CAMK2D: variants seen among roughly 807,000 people sequenced by gnomAD.
CAMK2D encodes calcium/calmodulin-dependent protein kinase type II subunit delta.
Under a neutral mutation model 84.0 loss-of-function variants are expected in CAMK2D, and 37 were observed. The observed-to-expected ratio is 0.44, with a 90% CI of 0.34 to 0.58. The LOEUF (loss-of-function observed/expected upper bound fraction) is 0.58, where lower values mean the gene tolerates loss of function less well. Ranked by LOEUF, CAMK2D falls within the 20% of genes least tolerant of loss-of-function variation. CAMK2D has a pLI of 0.02. For missense variants in CAMK2D, 448 were observed against 652.5 expected, an observed-to-expected ratio of 0.69 and a Z score of 3.41; for synonymous variants, 202 against 212.5, an observed-to-expected ratio of 0.95 and a Z score of 0.43.
intron 4 of CAMK2D, among the ~76,000 whole-genome samples, chr4:113,554,883 G>A (rs770408395): frequency 1.4e-4 from 21 of 151,834 alleles, no homozygotes; most frequent in Non-Finnish European, 2.8e-4. Flanking sequence ...ACTATGATAT[G>A]AAGGATATCA....
chr4:113,476,016 C>T (rs2097608929), intron 16 of CAMK2D, among the ~76,000 whole-genome samples: 1 of 152,038 alleles, frequency 6.6e-6, no homozygotes, highest in Non-Finnish European at 1.5e-5. Context: ...AAGTGGGGAA[C>T]TAGTGGAAAA....
chr4:113,758,867 A>T (rs2099634532), intron 2 of CAMK2D, among the ~76,000 whole-genome samples: 1 of 152,206 alleles, frequency 6.6e-6, no homozygotes. Flanking sequence ...ATTACTGTTA[A>T]ATATACCTTG....
chr4:113,509,006 A>T lies in CAMK2D; in HGVS notation c.984+632T>A, dbSNP rs534320092. On this transcript the variant is annotated intron_variant, in intron 13 of 20. Transcript: ENST00000511664. ...ACAAGAGTAAATCCCCTTGAAACAA[A>T]ATACAATCAGTAGGAAAGAAACTGT... Among the ~76,000 whole-genome samples, 786 of 152,250 alleles carry T rather than the reference A, an allele frequency of 5.2e-3. 6 individuals carry two copies. The highest frequency in any genetic ancestry group is 0.018 in the African/African-American group (733 of 41,558).
At chr4:113,731,699 C>G (rs184531616) in intron 2 of CAMK2D, among the ~76,000 whole-genome samples, 1 of 151,726 alleles carries the variant, frequency 6.6e-6, no homozygotes, top group African/African-American at 2.4e-5. Context: ...GATTCCCCTG[C>G]CTCAGCCTCC....
intron 2 of CAMK2D, among the ~76,000 whole-genome samples, chr4:113,719,747 T>G (rs914127623): frequency 2.6e-5 from 4 of 152,132 alleles, no homozygotes; most frequent in Non-Finnish European, 5.9e-5. Context: ...AACCCTAAGT[T>G]TAGTCACATT....
intron 2 of CAMK2D, among the ~76,000 whole-genome samples, chr4:113,723,770 T>C (rs2148663589): frequency 6.6e-6 from 1 of 152,274 alleles, no homozygotes; most frequent in East Asian, 1.9e-4. Context: ...TTACTCACCA[T>C]AAAAGACATA....
chr4:113,467,405 A>C (rs1372754220), intron 16 of CAMK2D, among the ~76,000 whole-genome samples: 1 of 152,196 alleles, frequency 6.6e-6, no homozygotes, highest in Admixed American at 6.5e-5. Context: ...AATTTTCTAT[A>C]AACCACATTT....
At chr4:113,755,066 G>C in intron 2 of CAMK2D, 1 of 984,676 alleles carries the variant, frequency 1.0e-6, no homozygotes, top group African/African-American at 1.7e-5. Context: ...ATGAAGTTGA[G>C]AAATTACAGT....
chr4:113,664,327 C>T (rs2099249152), intron 2 of CAMK2D, among the ~76,000 whole-genome samples: 2 of 152,254 alleles, frequency 1.3e-5, no homozygotes, highest in South Asian at 4.1e-4. Flanking sequence ...TATGTATAAT[C>T]TCACAGTTTC....
intron 2 of CAMK2D, among the ~76,000 whole-genome samples, chr4:113,705,585 A>T (rs1019727494): frequency 6.6e-6 from 1 of 152,188 alleles, no homozygotes; most frequent in African/African-American, 2.4e-5. Flanking sequence ...CGCTAGGTAT[A>T]TGAGAACATT....
intron 2 of CAMK2D, among the ~76,000 whole-genome samples, chr4:113,701,985 G>A (rs747969455): frequency 8.5e-5 from 13 of 152,154 alleles, no homozygotes; most frequent in Non-Finnish European, 1.9e-4. Flanking sequence ...ATAGATGTGA[G>A]CCACCATGCC....
chr4:113,500,703 A>G (rs929519980), intron 15 of CAMK2D, among the ~76,000 whole-genome samples, 192 bp from the exon 16 acceptor site: 1 of 152,108 alleles, frequency 6.6e-6, no homozygotes, highest in African/African-American at 2.4e-5. Context: ...AAACATTTCA[A>G]ACGGAGTACT....
chr4:113,482,179 GGT>G (rs1190188250), intron 16 of CAMK2D, among the ~76,000 whole-genome samples: 2 of 152,144 alleles, frequency 1.3e-5, no homozygotes, highest in African/African-American at 4.8e-5. Flanking sequence ...AGCAGAAGCA[GGT>G]CAATGGCTAA....
At chr4:113,472,981 G>A (rs1238414976) in intron 16 of CAMK2D, among the ~76,000 whole-genome samples, 1 of 152,168 alleles carries the variant, frequency 6.6e-6, no homozygotes, top group Non-Finnish European at 1.5e-5. Flanking sequence ...CAAATTCAGA[G>A]GCTGTGCCAG....
chr4:113,578,283 T>C (rs2098793210), intron 4 of CAMK2D, among the ~76,000 whole-genome samples: 1 of 152,158 alleles, frequency 6.6e-6, no homozygotes, highest in South Asian at 2.1e-4. Context: ...CTAATTCTTG[T>C]TGGCCAGAAG....
intron 5 of CAMK2D, 23 bp downstream of exon 5, chr4:113,552,008 C>A: frequency 7.7e-7 from 1 of 1,294,360 alleles, no homozygotes; most frequent in Admixed American, 1.9e-5. Flanking sequence ...AGTCTTGTAT[C>A]TTGCCCAGGG....
intron 16 of CAMK2D, among the ~76,000 whole-genome samples, chr4:113,496,508 G>A (rs913188222): frequency 2.0e-5 from 3 of 149,494 alleles, no homozygotes; most frequent in African/African-American, 7.4e-5. Context: ...GAGTGCAGAG[G>A]CACAATCTCG....
intron 6 of CAMK2D, among the ~76,000 whole-genome samples, chr4:113,537,802 G>C (rs1263895766): frequency 6.6e-6 from 1 of 152,160 alleles, no homozygotes; most frequent in Non-Finnish European, 1.5e-5. Context: ...TAACAGAGCA[G>C]ACATTTTCAG....
intron 2 of CAMK2D, among the ~76,000 whole-genome samples, chr4:113,756,266 T>A (rs943797661): frequency 6.6e-6 from 1 of 152,040 alleles, no homozygotes; most frequent in African/African-American, 2.4e-5. Context: ...GGCAATTCCC[T>A]CATGGTCTTA....
Sources: allele counts gnomAD v4.1 joint callset (sites outside exome capture counted in the v4.1 genomes callset), GRCh38; gene constraint gnomAD v4.1.1; transcripts MANE v1.5; gene names NCBI Gene and HGNC (gene_info 2026-07-23, HGNC 2026-07-21).